The following USP9X variants were observed in gnomAD, a reference collection of about 807,000 sequenced individuals.
USP9X encodes ubiquitin specific peptidase 9 X-linked.
In USP9X, 7 loss-of-function variants were observed where a neutral mutation model predicts 190.3. The observed-to-expected ratio is 0.04, with a 90% CI of 0.02 to 0.07. The LOEUF (loss-of-function observed/expected upper bound fraction) is 0.07. Ranked by LOEUF, USP9X falls within the 10% of genes least tolerant of loss-of-function variation. The pLI, the probability that USP9X is intolerant of heterozygous loss-of-function variation, is 1.00. For synonymous variants in USP9X, 645 were observed against 659.5 expected, an observed-to-expected ratio of 0.98 and a Z score of 0.34; for missense variants, 1,010 against 1,916.9, an observed-to-expected ratio of 0.53 and a Z score of 8.83.
chrX:41,197,351 C>CCCCCCTTTT lies in USP9X; in HGVS notation c.4234-12_4234-11insCCCCTTTTC. 1.1e-6 allele frequency: 1 copy of CCCCCCTTTT among 939,390 alleles called. No homozygotes were observed. The highest frequency in any genetic ancestry group is 3.7e-5 in the Admixed American group (1 of 26,839). 77.4% of individuals were successfully genotyped at this position (939,390 alleles called of 1,213,427 possible). A position where few individuals can be genotyped will look rare whatever the true frequency, so the allele number is the denominator to read the frequency against. On this transcript the variant is annotated splice_polypyrimidine_tract_variant and intron_variant, in intron 28 of 44. Coordinates refer to ENST00000378308, the MANE Select transcript of USP9X (RefSeq NM_001039591.3). Reference sequence around the variant, plus strand: ...TTTCTTCCCCCCCCCACCCCACCCCCCGCCTTTGGCAGGATGATGTTAAAA... The same window carrying CCCCCCTTTT: ...TTTCTTCCCCCCCCCACCCCACCCCCCCCCCTTTTCGCCTTTGGCAGGATGATGTTAAAA...
rs1294595524 is a variant in USP9X at position 41,233,832 on chromosome X, G to A, written c.*1308G>A. On this transcript the variant is annotated 3_prime_UTR_variant, in exon 45 of 45. Coordinates refer to ENST00000378308, the MANE Select transcript of USP9X (RefSeq NM_001039591.3). Reference sequence around the variant, plus strand: ...CTCAGTTCATACTGTATTTAAAAGAGAATTGGTAACTTGAATGTGTGTAAT... The same window carrying A: ...CTCAGTTCATACTGTATTTAAAAGAAAATTGGTAACTTGAATGTGTGTAAT... The A allele has an allele frequency of 2.7e-5, 3 of 112,081 alleles. No homozygotes were observed. Among genetic ancestry groups the A allele is most frequent in the Non-Finnish European group, 5.6e-5 (3 of 53,194 alleles). The allele number at this position is 112,081 out of a possible 1,213,427, so 9.2% of individuals were successfully genotyped here.
chrX:41,107,245 C>A (rs1349978123), intron 1 of USP9X, among the ~76,000 whole-genome samples: 1 of 110,707 alleles, frequency 9.0e-6, no homozygotes, highest in Non-Finnish European at 1.9e-5. Flanking sequence ...TCTCGAACTT[C>A]TGACCTCAGG....
intron 21 of USP9X, among the ~76,000 whole-genome samples, chrX:41,179,006 T>A: frequency 8.9e-6 from 1 of 112,133 alleles, no homozygotes; most frequent in East Asian, 2.8e-4. Flanking sequence ...GCACCTTTGT[T>A]GAAAATCAGT....
intron 1 of USP9X, among the ~76,000 whole-genome samples, chrX:41,104,809 T>C (rs1166460427): frequency 9.0e-6 from 1 of 111,075 alleles, no homozygotes; most frequent in East Asian, 2.8e-4. Flanking sequence ...AAAAGATACC[T>C]GGAGTTAGAA....
At chrX:41,206,284 A>G (rs1326105631) in intron 32 of USP9X, among the ~76,000 whole-genome samples, 1 of 112,105 alleles carries the variant, frequency 8.9e-6, no homozygotes, top group Non-Finnish European at 1.9e-5. Flanking sequence ...TCAAAACATG[A>G]TCATGATACC....
At chrX:41,213,510 C>T (rs1272300327) in intron 33 of USP9X, among the ~76,000 whole-genome samples, 1 of 111,765 alleles carries the variant, frequency 8.9e-6, no homozygotes, top group Non-Finnish European at 1.9e-5. Context: ...GCATTTTCAG[C>T]TTATGATATT....
At chrX:41,108,425 CTT>C (rs2062085272) in intron 1 of USP9X, among the ~76,000 whole-genome samples, 1 of 111,341 alleles carries the variant, frequency 9.0e-6, no homozygotes, top group African/African-American at 3.3e-5. Context: ...GGTAAGTAAT[CTT>C]TGAGGCTGTG....
intron 1 of USP9X, among the ~76,000 whole-genome samples, chrX:41,101,046 G>A (rs2062030384): frequency 9.0e-6 from 1 of 111,558 alleles, no homozygotes; most frequent in Admixed American, 9.6e-5. Context: ...TTTAATAATA[G>A]TGTCTCTATA....
chrX:41,087,591 T>C (rs2061923349), intron 1 of USP9X, among the ~76,000 whole-genome samples: 1 of 112,809 alleles, frequency 8.9e-6, no homozygotes, highest in Non-Finnish European at 1.9e-5. Context: ...CATCTAACTT[T>C]AACCCTTTAA....
At chrX:41,151,407 A>T (rs1269472456) in intron 13 of USP9X, among the ~76,000 whole-genome samples, 2 of 112,035 alleles carry the variant, frequency 1.8e-5, no homozygotes, top group African/African-American at 3.2e-5. Context: ...TAAATTGATG[A>T]AACATGACAA....
At chrX:41,124,078 A>C (rs2062214538) in intron 2 of USP9X, among the ~76,000 whole-genome samples, 1 of 109,390 alleles carries the variant, frequency 9.1e-6, no homozygotes, top group Non-Finnish European at 1.9e-5. Context: ...TGGTGGGTCT[A>C]CTGTTGGGGT....
Position 41,106,522 on chromosome X carries a change from A to ATTTTT in USP9X, c.-158-16926_-158-16922dup, listed in dbSNP as rs35038623. 3.9e-4 allele frequency among the ~76,000 whole-genome samples: 23 copies of ATTTTT among 58,787 alleles called. 1 individual carries two copies. Among genetic ancestry groups the ATTTTT allele is most frequent in the Non-Finnish European group, 6.4e-4 (21 of 32,669 alleles). The allele number at this position is 58,787 out of a possible 115,157, so 51.0% of individuals were successfully genotyped here. On this transcript the variant is annotated intron_variant, in intron 1 of 44. Coordinates refer to ENST00000378308, the MANE Select transcript of USP9X (RefSeq NM_001039591.3). Reference sequence around the variant, plus strand: ...ATACTGGAAGTATATTTCTGAATTAATTTTTTTTTTTTTTTTTTTTTTTTT... The same window carrying ATTTTT: ...ATACTGGAAGTATATTTCTGAATTAATTTTTTTTTTTTTTTTTTTTTTTTTTTTTT...
chrX:41,100,216 A>G (rs2062024727), intron 1 of USP9X, among the ~76,000 whole-genome samples: 1 of 112,494 alleles, frequency 8.9e-6, no homozygotes, highest in Admixed American at 9.5e-5. Flanking sequence ...TCTCACAGGT[A>G]ACAATCACTA....
At chrX:41,213,130 C>G (rs1477750868) in intron 33 of USP9X, among the ~76,000 whole-genome samples, 1 of 111,035 alleles carries the variant, frequency 9.0e-6, no homozygotes, top group Non-Finnish European at 1.9e-5. Flanking sequence ...AACAGCTAAA[C>G]TAGTCTTATT....
chrX:41,108,914 C>T (rs1008541219), intron 1 of USP9X, among the ~76,000 whole-genome samples: 2 of 111,274 alleles, frequency 1.8e-5, no homozygotes, highest in Admixed American at 1.9e-4. Context: ...AAAAAGAGCC[C>T]CAGACTTCTT....
intron 16 of USP9X, among the ~76,000 whole-genome samples, chrX:41,166,495 G>A (rs781681007): frequency 1.8e-5 from 2 of 111,217 alleles, no homozygotes; most frequent in Non-Finnish European, 3.8e-5. Flanking sequence ...TTCCTCCCCC[G>A]TGGATATTAA....
intron 1 of USP9X, among the ~76,000 whole-genome samples, chrX:41,106,587 A>G (rs891238216): frequency 3.4e-5 from 3 of 88,955 alleles, no homozygotes; most frequent in Non-Finnish European, 6.3e-5. Context: ...CTGGAGTGCA[A>G]TGGCGCGATC....
intron 1 of USP9X, among the ~76,000 whole-genome samples, chrX:41,100,179 A>G (rs981203853): frequency 8.9e-6 from 1 of 112,259 alleles, no homozygotes; most frequent in African/African-American, 3.2e-5. Flanking sequence ...TAGTTCTTAC[A>G]TATTCTCTCA....
chrX:41,223,695 C>A (rs1245495097), intron 39 of USP9X, among the ~76,000 whole-genome samples: 2 of 111,687 alleles, frequency 1.8e-5, no homozygotes, highest in Non-Finnish European at 3.8e-5. Context: ...CCTCGGCCTC[C>A]CAAAGTGCTG....
Sources: allele counts gnomAD v4.1 joint callset (sites outside exome capture counted in the v4.1 genomes callset), GRCh38; gene constraint gnomAD v4.1.1; transcripts MANE v1.5; gene names NCBI Gene and HGNC (gene_info 2026-07-23, HGNC 2026-07-21).